TBL1X: variants seen among roughly 807,000 people sequenced by gnomAD.
TBL1X encodes the protein transducin beta like 1 X-linked.
In TBL1X, 10 loss-of-function variants were observed where a neutral mutation model predicts 50.7. The ratio of observed to expected loss-of-function variants is 0.20; its 90% CI spans 0.12 to 0.33. TBL1X has a LOEUF of 0.33. Among genes scored for constraint, TBL1X ranks in the 10% least tolerant of loss-of-function variants. TBL1X has a pLI of 1.00. For missense variants in TBL1X, 340 were observed against 504.4 expected (o/e 0.67, Z 3.12); for synonymous variants, 190 against 214.7 (o/e 0.88, Z 1.01).
chrX:9,714,415 G>A (rs1393189663), intron 16 of TBL1X, among the ~76,000 whole-genome samples: 2 of 111,661 alleles, frequency 1.8e-5, no homozygotes, highest in African/African-American at 6.5e-5. Context: ...TTTATTGGGG[G>A]AAAGAGCTGT....
rs570732318 is a variant in TBL1X at position 9,648,519 on chromosome X, A to G, written c.-42-5026A>G. ...CATAGAGCAGGTCCTCCCCACATGT[A>G]CACCCAGAGCTCCTGTGCTTCTCTC... is the stretch of plus-strand genomic sequence containing the variant. On this transcript the variant is annotated intron_variant, in intron 3 of 17. Transcript: ENST00000645353. Among the ~76,000 whole-genome samples, 7 of 112,095 alleles carry G rather than the reference A, an allele frequency of 6.2e-5. No homozygotes were observed. The South Asian group carries it at 1.5e-3, about 24-fold the overall frequency.
At chrX:9,681,744 C>T (rs1310343185) in intron 5 of TBL1X, among the ~76,000 whole-genome samples, 1 of 112,928 alleles carries the variant, frequency 8.9e-6, no homozygotes, top group Non-Finnish European at 1.9e-5. Context: ...GTAGATGTTT[C>T]TAGATACTGT....
At chrX:9,611,584 A>G (rs2082613857) in intron 2 of TBL1X, among the ~76,000 whole-genome samples, 1 of 112,454 alleles carries the variant, frequency 8.9e-6, no homozygotes, top group Non-Finnish European at 1.9e-5. Flanking sequence ...TTAAAGTGAC[A>G]GCTGAAAATG....
intron 2 of TBL1X, among the ~76,000 whole-genome samples, chrX:9,602,571 G>T (rs2082562481): frequency 9.0e-6 from 1 of 111,632 alleles, no homozygotes; most frequent in Non-Finnish European, 1.9e-5. Flanking sequence ...GGTCCTGGCT[G>T]CAGGGCTCAT....
intron 2 of TBL1X, among the ~76,000 whole-genome samples, chrX:9,603,685 C>A (rs2082568155): frequency 9.0e-6 from 1 of 111,519 alleles, no homozygotes; most frequent in African/African-American, 3.3e-5. Flanking sequence ...TGGTTTGTTT[C>A]CTGGGGCTGC....
intron 5 of TBL1X, among the ~76,000 whole-genome samples, chrX:9,664,417 A>G (rs774265971): frequency 3.1e-4 from 35 of 111,252 alleles, no homozygotes; most frequent in African/African-American, 1.1e-3. Flanking sequence ...TGGCAGCCCT[A>G]TTAACTGAGA....
intron 2 of TBL1X, among the ~76,000 whole-genome samples, chrX:9,572,791 G>C (rs1012895949): frequency 6.2e-5 from 7 of 112,633 alleles, no homozygotes; most frequent in African/African-American, 3.2e-5. Flanking sequence ...AAGCCCTTCC[G>C]ATTGCAGGTG....
intron 6 of TBL1X, among the ~76,000 whole-genome samples, 155 bp from the exon 7 acceptor site, chrX:9,687,862 C>G (rs1327381473): frequency 9.0e-6 from 1 of 110,840 alleles, no homozygotes; most frequent in Non-Finnish European, 1.9e-5. Context: ...ACCCCAGGCT[C>G]CAGGTCCATG....
intron 5 of TBL1X, among the ~76,000 whole-genome samples, chrX:9,681,876 G>A (rs2083027717): frequency 8.9e-6 from 1 of 112,655 alleles, no homozygotes. Context: ...TTGATCAAGG[G>A]GAAAGCGGCA....
Position 9,716,277 on chromosome X carries a change from T to C in TBL1X, c.*31T>C. 8.4e-7 allele frequency: 1 copy of C among 1,196,029 alleles called. No individual in the cohort carries two copies. Among genetic ancestry groups the C allele is most frequent in the Non-Finnish European group, 1.1e-6 (1 of 883,958 alleles). ...AAATATTATCGAAAAAAGAAAAGAATTCTAATGACCAGCCGTGAATGTGTA... is the reference window on the plus strand; with the variant it reads ...AAATATTATCGAAAAAAGAAAAGAACTCTAATGACCAGCCGTGAATGTGTA... On this transcript the variant is annotated 3_prime_UTR_variant, in exon 18 of 18. Transcript: ENST00000645353.
chrX:9,541,277 G>C (rs753519177), intron 2 of TBL1X, among the ~76,000 whole-genome samples: 1 of 108,328 alleles, frequency 9.2e-6, no homozygotes, highest in East Asian at 2.9e-4. Flanking sequence ...CGTGCTACCA[G>C]GGCTAGAGTT....
chrX:9,545,000 C>CTTTTTT (rs34726098), intron 2 of TBL1X, among the ~76,000 whole-genome samples: 10 of 71,757 alleles, frequency 1.4e-4, no homozygotes, highest in Non-Finnish European at 2.1e-4. Context: ...TTTCCCCCCA[C>CTTTTTT]TTTTTTTTTT....
intron 3 of TBL1X, among the ~76,000 whole-genome samples, chrX:9,647,116 G>A (rs1434239801): frequency 9.0e-6 from 1 of 111,723 alleles, no homozygotes; most frequent in Non-Finnish European, 1.9e-5. Context: ...CTCTTAAACA[G>A]CCATTTCTCC....
chrX:9,531,883 C>A (rs1268369709), intron 2 of TBL1X, among the ~76,000 whole-genome samples: 1 of 110,643 alleles, frequency 9.0e-6, no homozygotes, highest in Non-Finnish European at 1.9e-5. Context: ...TGGGCGCGCA[C>A]CACTACCACC....
At chrX:9,587,512 G>A (rs146554831) in intron 2 of TBL1X, among the ~76,000 whole-genome samples, 2,548 of 111,702 alleles carry the variant, frequency 0.023, 27 homozygotes, top group South Asian at 0.029. Context: ...TAAACTATAA[G>A]GAAGATGTGC....
intron 2 of TBL1X, among the ~76,000 whole-genome samples, chrX:9,633,109 T>G (rs752304532): frequency 8.9e-6 from 1 of 112,770 alleles, no homozygotes; most frequent in Non-Finnish European, 1.9e-5. Flanking sequence ...AGAAAACTCT[T>G]TTAAGATGTT....
At chrX:9,590,608 T>A (rs139668888) in intron 2 of TBL1X, among the ~76,000 whole-genome samples, 1,250 of 112,211 alleles carry the variant, frequency 0.011, 17 homozygotes, top group African/African-American at 0.038. Flanking sequence ...ATCTTGAACA[T>A]TTAAGTTTTT....
intron 2 of TBL1X, among the ~76,000 whole-genome samples, chrX:9,527,126 C>T (rs904110352): frequency 1.7e-4 from 19 of 112,180 alleles, no homozygotes; most frequent in African/African-American, 6.2e-4. Flanking sequence ...ACCTGTCCAC[C>T]CCCAAAGCCC....
At chrX:9,693,035 C>T (rs17255209) in intron 9 of TBL1X, 114 bp from the exon 10 acceptor site, 137,968 of 700,476 alleles carry the variant, frequency 0.2, 10,540 homozygotes, top group Non-Finnish European at 0.23. Context: ...TTAAAGAACA[C>T]GCAGTGGCAA....
Sources: allele counts gnomAD v4.1 joint callset (sites outside exome capture counted in the v4.1 genomes callset), GRCh38; gene constraint gnomAD v4.1.1; transcripts MANE v1.5; gene names NCBI Gene and HGNC (gene_info 2026-07-23, HGNC 2026-07-21).